BRI3: variants seen among roughly 807,000 people sequenced by gnomAD.
BRI3 encodes the protein brain protein I3, also known as membrane protein BRI3.
BRI3 carries 6 observed loss-of-function variants against 12.8 expected under a neutral mutation model. That is an observed-to-expected ratio of 0.47 (90% CI 0.26 to 0.93). The LOEUF (loss-of-function observed/expected upper bound fraction) is 0.93, where lower values mean the gene tolerates loss of function less well. BRI3 is among the 40% of genes least tolerant of loss of function. The pLI, the probability that BRI3 is intolerant of heterozygous loss-of-function variation, is 0.15. For synonymous variants in BRI3, 91 were observed against 76.1 expected, an observed-to-expected ratio of 1.20 and a Z score of -1.02; for missense variants, 134 against 171.1, an observed-to-expected ratio of 0.78 and a Z score of 1.21.
At chr7:98,304,684 A>AT (rs1392626065), upstream of BRI3, among the ~76,000 whole-genome samples, 1 of 151,958 alleles carries the variant, frequency 6.6e-6, no homozygotes, top group African/African-American at 2.4e-5. Context: ...AGTAGCTGGG[A>AT]TTACAGGTGC....
chr7:98,308,560 G>A (rs962067171), exon 2 of BRI3: 2 of 342,876 alleles, frequency 5.8e-6, no homozygotes, highest in Admixed American at 3.8e-5. Flanking sequence ...ACCAGCTAGG[G>A]CAGGTTTGTC....
the BRI3 span, chr7:98,323,136 C>G: frequency 6.6e-6 from 1 of 152,270 alleles, no homozygotes; most frequent in Non-Finnish European, 1.5e-5. Flanking sequence ...GCAACGCTGG[C>G]TTCATCTTCC....
the BRI3 span, chr7:98,315,625 A>AAATAATAAT: frequency 8.0e-6 from 9 of 1,131,258 alleles, no homozygotes; most frequent in African/African-American, 5.0e-5. Context: ...AAAAAAAAAA[A>AAATAATAAT]AATAATAATA....
At position 98,291,237 on chromosome 7, in the gene BRI3, C is replaced by G. The variant is rs142425398; in HGVS notation, c.372C>G (p.Phe124Leu). 2.5e-5 allele frequency: 40 copies of G among 1,612,992 alleles called. No individual in the cohort carries two copies. In the Admixed American group the frequency reaches 2.5e-4, roughly 10 times the overall value. The change falls in exon 3 of 3, where the codon TTC (phenylalanine) becomes TTG (leucine). Residue 124 changes from phenylalanine (F) to leucine (L), a missense_variant. Transcript: ENST00000297290. ...GATGCCCCAACTGTGGAGCCACCTT[C>G]GCTTAAAGGGAACACCAGGCCCGGC... ...KRRCPNCGAT[F>L]A
At chr7:98,314,488 T>G (rs1464849787), downstream of BRI3, among the ~76,000 whole-genome samples, 3 of 152,104 alleles carry the variant, frequency 2.0e-5, no homozygotes, top group Non-Finnish European at 4.4e-5. Context: ...TTTGGATGTT[T>G]ACAAAGGCCC....
chr7:98,285,483 C>T (rs1217787728), intron 2 of BRI3, among the ~76,000 whole-genome samples: 2 of 152,166 alleles, frequency 1.3e-5, no homozygotes, highest in African/African-American at 2.4e-5. Context: ...GGGCTGTCCC[C>T]GTCCTGACAG....
upstream of BRI3, among the ~76,000 whole-genome samples, chr7:98,303,197 G>A (rs1244207866): frequency 6.6e-6 from 1 of 152,162 alleles, no homozygotes; most frequent in Non-Finnish European, 1.5e-5. Context: ...AGGCTCACGC[G>A]TAGGTCTGGG....
chr7:98,304,270 C>T (rs199846779), upstream of BRI3: 152 of 1,613,588 alleles, frequency 9.4e-5, no homozygotes, highest in Middle Eastern at 9.9e-4. Flanking sequence ...GCTCTCCTGT[C>T]GGCAGCTGCC....
At chr7:98,295,940 G>A (rs1005942790), downstream of BRI3, among the ~76,000 whole-genome samples, 18 of 152,266 alleles carry the variant, frequency 1.2e-4, no homozygotes, top group African/African-American at 3.9e-4. Context: ...GGCCAACCCC[G>A]TGCACGCATG....
At chr7:98,311,556 A>G (rs145014567), downstream of BRI3, among the ~76,000 whole-genome samples, 1 of 147,394 alleles carries the variant, frequency 6.8e-6, no homozygotes, top group African/African-American at 2.5e-5. Flanking sequence ...CAAAAAAAAT[A>G]AAAAAAAAAC....
intron 2 of BRI3, among the ~76,000 whole-genome samples, chr7:98,287,264 G>C (rs943053493): frequency 1.3e-5 from 2 of 152,228 alleles, no homozygotes; most frequent in Non-Finnish European, 2.9e-5. Context: ...AGGTGGGCAG[G>C]AGGGTGGGGG....
Position 98,283,196 on chromosome 7 carries a change from G to C in BRI3, c.245+743G>C, listed in dbSNP as rs1450271296. On this transcript the variant is annotated intron_variant, in intron 2 of 2. Coordinates refer to ENST00000297290, the MANE Select transcript of BRI3 (RefSeq NM_015379.5). Reference sequence around the variant, plus strand: ...TCAGATTGCTTAGAAAGTAGGGGCAGAGTTGGCCGGGACAGGGTTTTCAGC... The same window carrying C: ...TCAGATTGCTTAGAAAGTAGGGGCACAGTTGGCCGGGACAGGGTTTTCAGC... Among the ~76,000 whole-genome samples, 4 of 152,142 alleles carry C rather than the reference G, an allele frequency of 2.6e-5. No homozygotes were observed. In the South Asian group the frequency reaches 6.2e-4, roughly 24 times the overall value.
chr7:98,291,737 C>T (rs974457184), downstream of BRI3: 50 of 180,784 alleles, frequency 2.8e-4, 1 homozygote, highest in Non-Finnish European at 9.6e-5. Context: ...AGGCCATGCC[C>T]GTTCTGGTCT....
intron 1 of BRI3, 59 bp downstream of exon 1, chr7:98,281,996 G>T: frequency 7.7e-7 from 1 of 1,296,144 alleles, no homozygotes; most frequent in Non-Finnish European, 9.8e-7. Context: ...CCCGGTCGGG[G>T]GACGTGGGTC....
intron 2 of BRI3, among the ~76,000 whole-genome samples, chr7:98,287,587 G>A (rs1799751946): frequency 6.6e-6 from 1 of 152,226 alleles, no homozygotes; most frequent in African/African-American, 2.4e-5. Context: ...GCACTCAGGT[G>A]GGCCGGCGCC....
downstream of BRI3, chr7:98,293,976 G>T: frequency 7.2e-7 from 1 of 1,389,266 alleles, no homozygotes; most frequent in Non-Finnish European, 1.0e-6. Context: ...CCTTTCTCAG[G>T]CTGGACCCCC....
At chr7:98,293,690 T>C (rs1278162216), downstream of BRI3, 3 of 1,268,802 alleles carry the variant, frequency 2.4e-6, no homozygotes, top group Non-Finnish European at 3.4e-6. Context: ...CCTGTGAGAC[T>C]GGGCGGCTGA....
downstream of BRI3, chr7:98,312,387 G>A (rs1800906298): frequency 1.8e-6 from 2 of 1,085,060 alleles, no homozygotes; most frequent in African/African-American, 1.6e-5. Flanking sequence ...TGGGGGCCCT[G>A]GGTTAAACTC....
At chr7:98,282,283 A>C (rs909018880) in intron 1 of BRI3, 68 bp from the exon 2 acceptor site, 1 of 1,319,986 alleles carries the variant, frequency 7.6e-7, no homozygotes, top group East Asian at 2.4e-5. Context: ...AGGGGACAGG[A>C]TGAGTAGTCC....
Sources: allele counts gnomAD v4.1 joint callset (sites outside exome capture counted in the v4.1 genomes callset), GRCh38; gene constraint gnomAD v4.1.1; transcripts MANE v1.5; gene names NCBI Gene and HGNC (gene_info 2026-07-23, HGNC 2026-07-21).